The following ATP6V1C2 variants were observed in gnomAD, a reference collection of about 807,000 sequenced individuals.
ATP6V1C2 encodes V-type proton ATPase subunit C 2.
Under a neutral mutation model 56.8 loss-of-function variants are expected in ATP6V1C2, and 45 were observed. The observed-to-expected ratio is 0.79, with a 90% CI of 0.62 to 1.02. The LOEUF (loss-of-function observed/expected upper bound fraction) is 1.02, where lower values mean the gene tolerates loss of function less well. ATP6V1C2 is among the 50% of genes least tolerant of loss of function. The pLI, the probability that ATP6V1C2 is intolerant of heterozygous loss-of-function variation, is 0.00. For missense variants in ATP6V1C2, 463 were observed against 519.7 expected, an observed-to-expected ratio of 0.89 and a Z score of 1.06; for synonymous variants, 220 against 201.3, an observed-to-expected ratio of 1.09 and a Z score of -0.79.
In ATP6V1C2 at chr2:10,784,507, T is replaced by G. The variant is rs1403578884; in HGVS notation, c.*1244T>G. On this transcript the variant is annotated 3_prime_UTR_variant, in exon 14 of 14. Coordinates refer to ENST00000272238, the MANE Select transcript of ATP6V1C2 (RefSeq NM_001039362.2). ...TTATACGGATGGAAAAGCTCAGAACTCAGGTGAAACATTTCAACATCACAT... is the reference window on the plus strand; with the variant it reads ...TTATACGGATGGAAAAGCTCAGAACGCAGGTGAAACATTTCAACATCACAT... The G allele has an allele frequency of 1.8e-6, 1 of 553,080 alleles. No homozygotes were observed. Among genetic ancestry groups the G allele is most frequent in the Non-Finnish European group, 3.2e-6 (1 of 315,652 alleles). The allele number at this position is 553,080 out of a possible 1,614,324, so 34.3% of individuals were successfully genotyped here.
intron 4 of ATP6V1C2, among the ~76,000 whole-genome samples, chr2:10,759,502 T>G (rs1033871879): frequency 6.6e-6 from 1 of 152,184 alleles, no homozygotes; most frequent in Admixed American, 6.5e-5. Flanking sequence ...GTTGCCAGCC[T>G]GTGCACAGCA....
chr2:10,721,921 A>G (rs924200562), intron 1 of ATP6V1C2, among the ~76,000 whole-genome samples, 190 bp downstream of exon 1: 1 of 152,210 alleles, frequency 6.6e-6, no homozygotes, highest in South Asian at 2.1e-4. Flanking sequence ...TCCCCAGGCC[A>G]TGGGCAGTCA....
chr2:10,747,355 TTC>T (rs1231625476), intron 3 of ATP6V1C2, among the ~76,000 whole-genome samples: 1 of 152,206 alleles, frequency 6.6e-6, no homozygotes, highest in African/African-American at 2.4e-5. Flanking sequence ...TTGTCTCTGC[TTC>T]TGTCTTTTCT....
chr2:10,769,234 A>AAG (rs1664431545), intron 6 of ATP6V1C2, among the ~76,000 whole-genome samples: 2 of 152,154 alleles, frequency 1.3e-5, no homozygotes, highest in Non-Finnish European at 2.9e-5. Context: ...AGCCTCAGGG[A>AAG]CTCAGGTGCC....
At chr2:10,779,443 G>GT (rs1665211520) in intron 12 of ATP6V1C2, among the ~76,000 whole-genome samples, 3 of 96,618 alleles carry the variant, frequency 3.1e-5, no homozygotes, top group Non-Finnish European at 4.5e-5. Context: ...ATATATATAT[G>GT]TATGTATATA....
At chr2:10,754,823 C>T (rs1292418766) in intron 4 of ATP6V1C2, among the ~76,000 whole-genome samples, 1 of 152,110 alleles carries the variant, frequency 6.6e-6, no homozygotes, top group Middle Eastern at 3.4e-3. Flanking sequence ...TGTGTCCGCC[C>T]GCCTCGGCCT....
chr2:10,761,738 A>G (rs1220789834), intron 4 of ATP6V1C2, among the ~76,000 whole-genome samples: 1 of 151,996 alleles, frequency 6.6e-6, no homozygotes, highest in African/African-American at 2.4e-5. Context: ...CACGGATCCA[A>G]CTCTCTGCTG....
At position 10,783,454 on chromosome 2, in the gene ATP6V1C2, C is replaced by G; in HGVS notation, c.*191C>G. On this transcript the variant is annotated 3_prime_UTR_variant, in exon 14 of 14. Coordinates refer to ENST00000272238, the MANE Select transcript of ATP6V1C2 (RefSeq NM_001039362.2). Reference sequence around the variant, plus strand: ...AATGCTCTCAAGTCCTTTGAATGTTCCAACAAATTCAAAACTTCATTTTCT... The same window carrying G: ...AATGCTCTCAAGTCCTTTGAATGTTGCAACAAATTCAAAACTTCATTTTCT... 2.0e-6 allele frequency: 1 copy of G among 495,744 alleles called. No individual in the cohort carries two copies. The allele number at this position is 495,744 out of a possible 1,614,324, so 30.7% of individuals were successfully genotyped here. A position where few individuals can be genotyped will look rare whatever the true frequency, so the allele number is the denominator to read the frequency against.
chr2:10,751,006 A>G (rs1410944367), intron 3 of ATP6V1C2, among the ~76,000 whole-genome samples: 5 of 152,250 alleles, frequency 3.3e-5, no homozygotes, highest in African/African-American at 9.6e-5. Context: ...TGCTAAACAA[A>G]TGAACCAATG....
chr2:10,759,159 A>G (rs565022112), intron 4 of ATP6V1C2, among the ~76,000 whole-genome samples: 3 of 152,314 alleles, frequency 2.0e-5, no homozygotes, highest in East Asian at 3.9e-4. Flanking sequence ...ACCTGGTCCA[A>G]AAGTCACTTC....
At chr2:10,745,358 G>GT (rs201847116) in intron 3 of ATP6V1C2, among the ~76,000 whole-genome samples, 30,781 of 132,710 alleles carry the variant, frequency 0.23, 3,318 homozygotes, top group East Asian at 0.31. Context: ...CTTTTTAACC[G>GT]TTTTTTTTTT....
intron 3 of ATP6V1C2, among the ~76,000 whole-genome samples, chr2:10,728,445 C>T (rs998319293): frequency 2.0e-5 from 3 of 152,108 alleles, no homozygotes; most frequent in Non-Finnish European, 4.4e-5. Context: ...AGTTAAATAA[C>T]GTATCTTAGA....
At position 10,722,912 on chromosome 2, in the gene ATP6V1C2, G is replaced by A. The variant is rs1432604196; in HGVS notation, c.63G>A (p.Arg21=). 6 of 1,614,090 alleles carry A rather than the reference G, an allele frequency of 3.7e-6. No homozygotes were observed. The highest frequency in any genetic ancestry group is 2.2e-5 in the East Asian group (1 of 44,880). ...GDKENLQALE[R]MNTVTSKSNL... ...AGGAAAATTTGCAAGCTCTGGAGAG[G>A]ATGAATACTGTAACCTCCAAGTCCA... The change falls in exon 2 of 14, where the codon AGG becomes AGA. Residue 21 remains arginine, a synonymous_variant. Coordinates refer to ENST00000272238, the MANE Select transcript of ATP6V1C2 (RefSeq NM_001039362.2).
intron 3 of ATP6V1C2, among the ~76,000 whole-genome samples, chr2:10,746,248 C>A (rs1662906869): frequency 6.6e-6 from 1 of 152,186 alleles, no homozygotes; most frequent in South Asian, 2.1e-4. Context: ...GATCTGCCCA[C>A]CTTGGCCTCC....
Position 10,781,634 on chromosome 2 carries a change from T to C in ATP6V1C2, c.1062-609T>C, listed in dbSNP as rs117727789. 6.1e-3 allele frequency among the ~76,000 whole-genome samples: 927 copies of C among 152,244 alleles called. 10 individuals carry two copies. Among genetic ancestry groups the C allele is most frequent in the African/African-American group, 0.014 (574 of 41,524 alleles). On this transcript the variant is annotated intron_variant, in intron 12 of 13. Transcript: ENST00000272238. ...AAGGCCTGGGGATCCCGAGGGAACA[T>C]AGGTGCTAACTACTGAACATCCGAT... is the stretch of plus-strand genomic sequence containing the variant.
intron 3 of ATP6V1C2, among the ~76,000 whole-genome samples, chr2:10,751,265 A>G (rs1663197670): frequency 6.6e-6 from 1 of 152,066 alleles, no homozygotes; most frequent in Admixed American, 6.6e-5. Flanking sequence ...AAATCTACCC[A>G]GGAGTCATGG....
At chr2:10,740,112 A>G (rs933299572) in intron 3 of ATP6V1C2, among the ~76,000 whole-genome samples, 5 of 151,968 alleles carry the variant, frequency 3.3e-5, no homozygotes, top group Non-Finnish European at 5.9e-5. Context: ...AAGAAAAGAA[A>G]GTTGCATGCC....
chr2:10,741,875 C>T (rs1662568453), intron 3 of ATP6V1C2, among the ~76,000 whole-genome samples: 1 of 128,188 alleles, frequency 7.8e-6, no homozygotes, highest in Admixed American at 8.9e-5. Context: ...TGGGTTCCTC[C>T]CTCCCTCCCT....
intron 6 of ATP6V1C2, 28 bp downstream of exon 6, chr2:10,768,838 G>A (rs1054961966): frequency 6.3e-7 from 1 of 1,596,884 alleles, no homozygotes; most frequent in African/African-American, 1.3e-5. Flanking sequence ...TCCACATCTG[G>A]CGGGGGCAGG....
Sources: gnomAD v4.1 joint callset for allele counts (sites outside exome capture counted in the v4.1 genomes callset) on GRCh38, gnomAD v4.1.1 for gene constraint, MANE v1.5 for transcripts, NCBI Gene and HGNC (gene_info 2026-07-23, HGNC 2026-07-21) for gene names.